The following NRIP1 variants were observed in gnomAD, a reference collection of about 807,000 sequenced individuals.
NRIP1 encodes nuclear receptor interacting protein 1.
Under a neutral mutation model 75.0 loss-of-function variants are expected in NRIP1, and 28 were observed. That is an observed-to-expected ratio of 0.37 (90% CI 0.28 to 0.51). The LOEUF (loss-of-function observed/expected upper bound fraction) is 0.51. NRIP1 is among the 20% of genes least tolerant of loss of function. The pLI is 0.92. For synonymous variants in NRIP1, 526 were observed against 487.6 expected (o/e 1.08, Z -1.04); for missense variants, 1,435 against 1,343.7 (o/e 1.07, Z -1.06).
upstream of NRIP1, among the ~76,000 whole-genome samples, chr21:15,065,199 C>T (rs1978780919): frequency 6.6e-6 from 1 of 152,094 alleles, no homozygotes; most frequent in African/African-American, 2.4e-5. Flanking sequence ...CCGGGCGGCT[C>T]ACAGGAGCTG....
intron 1 of NRIP1, among the ~76,000 whole-genome samples, chr21:15,056,716 C>T (rs2089316400): frequency 6.6e-6 from 1 of 152,144 alleles, no homozygotes. Context: ...GATTTGGCAA[C>T]TCAAAATCCA....
At chr21:15,010,992 A>G (rs1234790462) in intron 3 of NRIP1, among the ~76,000 whole-genome samples, 3 of 152,226 alleles carry the variant, frequency 2.0e-5, no homozygotes, top group Non-Finnish European at 2.9e-5. Flanking sequence ...ACTCACCCAG[A>G]TTATAAATTG....
At chr21:15,035,341 T>C (rs182147877) in intron 2 of NRIP1, among the ~76,000 whole-genome samples, 93 of 152,308 alleles carry the variant, frequency 6.1e-4, no homozygotes, top group Admixed American at 1.6e-3. Flanking sequence ...GTAGTATTCA[T>C]GTGATAAGTT....
At chr21:14,991,951 C>A (rs1231956341) in intron 3 of NRIP1, among the ~76,000 whole-genome samples, 2 of 152,166 alleles carry the variant, frequency 1.3e-5, no homozygotes, top group Non-Finnish European at 2.9e-5. Context: ...GCGTTCCTTT[C>A]ATCTTTTTTT....
chr21:14,969,842 C>T (rs2086855668), intron 3 of NRIP1, among the ~76,000 whole-genome samples: 2 of 152,082 alleles, frequency 1.3e-5, no homozygotes, highest in Non-Finnish European at 2.9e-5. Flanking sequence ...GAAAAAGATA[C>T]AGAAAGGAGG....
intron 1 of NRIP1, among the ~76,000 whole-genome samples, chr21:15,060,641 A>G (rs1178143141): frequency 6.6e-6 from 1 of 152,134 alleles, no homozygotes; most frequent in Non-Finnish European, 1.5e-5. Flanking sequence ...CTGGTACCCA[A>G]TTTTGATCCT....
intron 3 of NRIP1, among the ~76,000 whole-genome samples, chr21:15,004,428 A>G (rs530069276): frequency 6.6e-6 from 1 of 152,372 alleles, no homozygotes; most frequent in South Asian, 2.1e-4. Flanking sequence ...AATATCAACC[A>G]CAAAATTACT....
intron 1 of NRIP1, chr21:15,050,584 A>G (rs778631521): frequency 2.7e-6 from 1 of 367,118 alleles, no homozygotes; most frequent in Non-Finnish European, 5.4e-6. Flanking sequence ...ACAACTTTCA[A>G]TGAAGAAAGA....
At chr21:14,988,716 CCA>C (rs1181503672) in intron 3 of NRIP1, among the ~76,000 whole-genome samples, 1 of 152,048 alleles carries the variant, frequency 6.6e-6, no homozygotes, top group African/African-American at 2.4e-5. Context: ...TATACCCAAA[CCA>C]CAGACCTCAG....
chr21:14,962,600 G>C lies in NRIP1; in HGVS notation c.*2116C>G, dbSNP rs1351653296. ...CCACAACGATCAAGAAAAATGACTT[G>C]TTTAAAAGCTTATTTATATAGTGTT... On this transcript the variant is annotated 3_prime_UTR_variant, in exon 4 of 4. Transcript: ENST00000318948. The C allele has an allele frequency of 6.6e-6, 1 of 152,280 alleles. No homozygotes were observed. Among genetic ancestry groups the C allele is most frequent in the Non-Finnish European group, 1.5e-5 (1 of 67,874 alleles). 9.4% of individuals were successfully genotyped at this position (152,280 alleles called of 1,614,324 possible). A position where few individuals can be genotyped will look rare whatever the true frequency, so the allele number is the denominator to read the frequency against.
rs1222538203 is a variant in NRIP1 at position 14,965,630 on chromosome 21, C to A, written c.2563G>T (p.Val855Phe). Reference protein sequence around the residue: ...ALLESKNLCMVPKKRKLYTEP... With the variant: ...ALLESKNLCMFPKKRKLYTEP... ...GTATAAAGCTTCCTTTTCTTAGGGA[C>A]CATGCAAAGATTCTTTGATTCTAGA... Residue 855 changes from valine to phenylalanine, a missense_variant, in exon 4 of 4, where the codon GTC becomes TTC. Coordinates refer to ENST00000318948, the MANE Select transcript of NRIP1 (RefSeq NM_003489.4). The A allele has an allele frequency of 1.2e-6, 2 of 1,613,236 alleles. No individual in the cohort carries two copies. The highest frequency in any genetic ancestry group is 8.5e-7 in the Non-Finnish European group (1 of 1,179,874).
intron 3 of NRIP1, among the ~76,000 whole-genome samples, chr21:15,010,473 G>A (rs1047852611): frequency 6.6e-6 from 1 of 151,168 alleles, no homozygotes. Context: ...TAGTCTAGTA[G>A]GGATCTTCCT....
intron 1 of NRIP1, among the ~76,000 whole-genome samples, chr21:15,061,283 T>C (rs1056967018): frequency 6.6e-6 from 1 of 152,148 alleles, no homozygotes; most frequent in East Asian, 1.9e-4. Flanking sequence ...CAGTAAATCG[T>C]TATTAAACAA....
At chr21:15,020,946 T>C (rs896728678) in intron 2 of NRIP1, among the ~76,000 whole-genome samples, 22 of 151,878 alleles carry the variant, frequency 1.4e-4, no homozygotes, top group African/African-American at 4.4e-4. Flanking sequence ...CTCTCCTCCA[T>C]TGCTGGTGAG....
Position 14,961,252 on chromosome 21 carries a change from C to T in NRIP1, c.*3464G>A, listed in dbSNP as rs993055773. ...AAACCAGAGACAATGCATTTTTTCT[C>T]ATTTATTCAAATTCACTGCAGGAAG... On this transcript the variant is annotated 3_prime_UTR_variant, in exon 4 of 4. Coordinates refer to ENST00000318948, the MANE Select transcript of NRIP1 (RefSeq NM_003489.4). 2.6e-5 allele frequency: 4 copies of T among 152,362 alleles called. No homozygotes were observed. Among genetic ancestry groups the T allele is most frequent in the African/African-American group, 9.7e-5 (4 of 41,410 alleles). The allele number at this position is 152,362 out of a possible 1,614,324, so 9.4% of individuals were successfully genotyped here. A position where few individuals can be genotyped will look rare whatever the true frequency, so the allele number is the denominator to read the frequency against.
Position 15,029,631 on chromosome 21 carries a change from G to T in NRIP1, c.-458+13864C>A, listed in dbSNP as rs149943893. On this transcript the variant is annotated intron_variant, in intron 2 of 3. Coordinates refer to ENST00000318948, the MANE Select transcript of NRIP1 (RefSeq NM_003489.4). ...ACTGTTCTATCCCCAGGACTTAGAAGAATAACCGAAATACAGCAGGCACTC... is the reference window on the plus strand; with the variant it reads ...ACTGTTCTATCCCCAGGACTTAGAATAATAACCGAAATACAGCAGGCACTC... Among the ~76,000 whole-genome samples the T allele has an allele frequency of 2.7e-3, 408 of 152,166 alleles. 1 individual carries two copies. The highest frequency in any genetic ancestry group is 9.6e-3 in the African/African-American group (400 of 41,516).
chr21:15,055,825 G>T (rs372937223), intron 1 of NRIP1, among the ~76,000 whole-genome samples: 1 of 151,996 alleles, frequency 6.6e-6, no homozygotes, highest in East Asian at 1.9e-4. Flanking sequence ...TTCTTCCTCC[G>T]TAAAATGCAG....
intron 3 of NRIP1, among the ~76,000 whole-genome samples, chr21:14,979,116 T>C (rs936845354): frequency 6.6e-6 from 1 of 152,184 alleles, no homozygotes; most frequent in Non-Finnish European, 1.5e-5. Context: ...GAACACAAAA[T>C]AATCATTAAC....
At chr21:14,991,200 C>T (rs1038729382) in intron 3 of NRIP1, 2 of 151,580 alleles carry the variant, frequency 1.3e-5, no homozygotes, top group Admixed American at 6.6e-5. Flanking sequence ...TTCTCACTTA[C>T]TTTCTTTGTG....
Sources: allele counts gnomAD v4.1 joint callset (sites outside exome capture counted in the v4.1 genomes callset), GRCh38; gene constraint gnomAD v4.1.1; transcripts MANE v1.5; gene names NCBI Gene and HGNC (gene_info 2026-07-23, HGNC 2026-07-21).